The following RAPGEF5 variants were observed in gnomAD, a reference collection of about 807,000 sequenced individuals.
RAPGEF5 encodes the protein Rap guanine nucleotide exchange factor 5, also known as M-Ras-regulated GEF.
A neutral mutation model predicts 125.2 loss-of-function variants in RAPGEF5; 65 were observed. The observed-to-expected ratio is 0.52, with a 90% CI of 0.43 to 0.64. The LOEUF is 0.64. Ranked by LOEUF, RAPGEF5 falls within the 30% of genes least tolerant of loss-of-function variation. The pLI is 0.00. For missense variants in RAPGEF5, 958 were observed against 1,048.1 expected (o/e 0.91, Z 1.19); for synonymous variants, 391 against 385.9 (o/e 1.01, Z -0.16).
intron 7 of RAPGEF5, among the ~76,000 whole-genome samples, chr7:22,242,678 G>C (rs578189906): frequency 6.6e-5 from 10 of 152,116 alleles, no homozygotes; most frequent in Non-Finnish European, 7.4e-5. Context: ...ATTGCTGGGC[G>C]CGGTGGCTCA....
At chr7:22,182,571 GC>G (rs1257844110) in intron 11 of RAPGEF5, among the ~76,000 whole-genome samples, 2 of 152,090 alleles carry the variant, frequency 1.3e-5, no homozygotes, top group African/African-American at 4.8e-5. Flanking sequence ...TATTAAATAT[GC>G]CAATAGACAC....
chr7:22,353,984 C>A (rs1373312058), intron 1 of RAPGEF5, among the ~76,000 whole-genome samples: 1 of 152,040 alleles, frequency 6.6e-6, no homozygotes, highest in Non-Finnish European at 1.5e-5. Context: ...GGTGGGAGGA[C>A]CGCTTGAGCC....
Position 22,208,703 on chromosome 7 carries a change from A to G in RAPGEF5, c.996+11163T>C, listed in dbSNP as rs115771098. On this transcript the variant is annotated intron_variant, in intron 9 of 25. Transcript: ENST00000665637. ...AGATGTCTGCAGCCTACTATCATCA[A>G]TCACTCAGAAGGAAAAGTCACCATT... Among the ~76,000 whole-genome samples the G allele has an allele frequency of 7.9e-3, 1,198 of 152,286 alleles. 15 individuals carry two copies. Among genetic ancestry groups the G allele is most frequent in the African/African-American group, 0.028 (1,145 of 41,554 alleles).
chr7:22,212,373 T>C (rs1583486081), intron 9 of RAPGEF5, among the ~76,000 whole-genome samples: 1 of 152,146 alleles, frequency 6.6e-6, no homozygotes, highest in East Asian at 1.9e-4. Flanking sequence ...CTCAGGGAAA[T>C]GTGCATGACT....
At chr7:22,150,297 T>A (rs1783582531) in intron 18 of RAPGEF5, 110 bp downstream of exon 18, 1 of 1,118,930 alleles carries the variant, frequency 8.9e-7, no homozygotes, top group African/African-American at 1.6e-5. Context: ...GGTCTCAAAC[T>A]TCTGAGCTCA....
intron 9 of RAPGEF5, among the ~76,000 whole-genome samples, chr7:22,216,108 C>T (rs1406000680): frequency 6.6e-6 from 1 of 152,206 alleles, no homozygotes; most frequent in Non-Finnish European, 1.5e-5. Flanking sequence ...TTTACTCCCT[C>T]CTCAGTTCTT....
At chr7:22,129,616 C>T (rs1194852948) in intron 24 of RAPGEF5, among the ~76,000 whole-genome samples, 1 of 152,154 alleles carries the variant, frequency 6.6e-6, no homozygotes, top group Non-Finnish European at 1.5e-5. Context: ...ACACAAAACA[C>T]GTACAAAAAA....
intron 3 of RAPGEF5, 46 bp from the exon 4 acceptor site, chr7:22,310,136 G>T: frequency 2.8e-6 from 4 of 1,436,400 alleles, no homozygotes; most frequent in Non-Finnish European, 3.7e-6. Context: ...GCTGACATCC[G>T]TTTGCCAAAA....
chr7:22,171,168 A>G (rs1251641796), intron 11 of RAPGEF5, among the ~76,000 whole-genome samples: 2 of 152,194 alleles, frequency 1.3e-5, no homozygotes, highest in Non-Finnish European at 2.9e-5. Flanking sequence ...ATTGGTATTT[A>G]GAGATATTTT....
At chr7:22,191,457 A>AAT in intron 11 of RAPGEF5, 4 of 424,912 alleles carry the variant, frequency 9.4e-6, no homozygotes, top group South Asian at 6.7e-5. Context: ...CAAAACTCTA[A>AAT]AGTTTCATTT....
chr7:22,310,148 AAC>A (rs1008021165), intron 3 of RAPGEF5, 58 bp from the exon 4 acceptor site: 198 of 1,413,718 alleles, frequency 1.4e-4, no homozygotes, highest in South Asian at 7.5e-4. Flanking sequence ...TTGCCAAAAA[AAC>A]AAAAATGATA....
At chr7:22,173,776 C>T (rs1274450880) in intron 11 of RAPGEF5, among the ~76,000 whole-genome samples, 1 of 152,104 alleles carries the variant, frequency 6.6e-6, no homozygotes, top group African/African-American at 2.4e-5. Flanking sequence ...CTCCAGGCTG[C>T]GGCACTCAGA....
rs570666280 is a variant in RAPGEF5 at position 22,341,357 on chromosome 7, G to A, written c.231+15473C>T. On this transcript the variant is annotated intron_variant, in intron 1 of 25. Transcript: ENST00000665637. ...TCCCACCGGGTTCCTCCCACAACAC[G>A]TGAGAATTCAAGACGAGATTTGGGT... is the stretch of plus-strand genomic sequence containing the variant. Among the ~76,000 whole-genome samples, 6 of 152,256 alleles carry A rather than the reference G, an allele frequency of 3.9e-5. No individual in the cohort carries two copies. In the East Asian group the frequency reaches 5.8e-4, roughly 15 times the overall value.
intron 11 of RAPGEF5, among the ~76,000 whole-genome samples, chr7:22,190,064 G>T (rs1035983337): frequency 7.2e-5 from 11 of 152,242 alleles, no homozygotes; most frequent in Admixed American, 7.2e-4. Context: ...GGTGGATCAC[G>T]AGATCAGGAG....
chr7:22,171,886 C>T (rs558237660), intron 11 of RAPGEF5, among the ~76,000 whole-genome samples: 11 of 152,280 alleles, frequency 7.2e-5, no homozygotes, highest in Middle Eastern at 3.4e-3. Flanking sequence ...GACTATCCTC[C>T]CCACTCCAAA....
At chr7:22,215,865 C>G (rs1418003408) in intron 9 of RAPGEF5, among the ~76,000 whole-genome samples, 2 of 152,192 alleles carry the variant, frequency 1.3e-5, no homozygotes, top group Non-Finnish European at 2.9e-5. Flanking sequence ...ACCTAACAAT[C>G]TGTCAGTGAG....
chr7:22,301,121 A>G (rs1783188256), intron 5 of RAPGEF5, among the ~76,000 whole-genome samples: 1 of 152,170 alleles, frequency 6.6e-6, no homozygotes, highest in Non-Finnish European at 1.5e-5. Flanking sequence ...TCGGGTAGTT[A>G]TTGTTTGTAT....
intron 11 of RAPGEF5, among the ~76,000 whole-genome samples, chr7:22,186,627 T>A (rs933118970): frequency 6.6e-6 from 1 of 152,204 alleles, no homozygotes; most frequent in African/African-American, 2.4e-5. Flanking sequence ...ACAGTGCCTA[T>A]GCATTTGGAG....
At position 22,167,161 on chromosome 7, in the gene RAPGEF5, A is replaced by C. The variant is rs767441526; in HGVS notation, c.1205-13T>G. On this transcript the variant is annotated splice_polypyrimidine_tract_variant and intron_variant, in intron 11 of 25. Coordinates refer to ENST00000665637, the MANE Select transcript of RAPGEF5 (RefSeq NM_012294.5). ...TCCAGGAGGGTCTCTGCAAAGAAAAAAAAAACAAACACAAGGTAAGCAAAG... is the reference window on the plus strand; with the variant it reads ...TCCAGGAGGGTCTCTGCAAAGAAAACAAAAACAAACACAAGGTAAGCAAAG... 6.2e-7 allele frequency: 1 copy of C among 1,603,716 alleles called. No homozygotes were observed. The highest frequency in any genetic ancestry group is 1.1e-5 in the South Asian group (1 of 89,776).
Sources: allele counts gnomAD v4.1 joint callset (sites outside exome capture counted in the v4.1 genomes callset), GRCh38; gene constraint gnomAD v4.1.1; transcripts MANE v1.5; gene names NCBI Gene and HGNC (gene_info 2026-07-23, HGNC 2026-07-21).